CHAD: variants seen among roughly 807,000 people sequenced by gnomAD.
CHAD encodes chondroadherin.
Under a neutral mutation model 24.0 loss-of-function variants are expected in CHAD, and 18 were observed. That is an observed-to-expected ratio of 0.75 (90% CI 0.52 to 1.11). The LOEUF is 1.11. CHAD is among the 50% of genes most tolerant of loss of function. The pLI is 0.00. For missense variants in CHAD, 440 were observed against 467.2 expected (o/e 0.94, Z 0.54); for synonymous variants, 195 against 211.6 (o/e 0.92, Z 0.68).
chr17:50,464,779 G>GGT lies in CHAD; in HGVS notation c.*274_*275insAC. 1.5e-5 allele frequency: 4 copies of GGT among 259,840 alleles called. No individual in the cohort carries two copies. The highest frequency in any genetic ancestry group is 3.9e-5 in the African/African-American group (1 of 25,562). 16.1% of individuals were successfully genotyped at this position (259,840 alleles called of 1,614,324 possible). On this transcript the variant is annotated 3_prime_UTR_variant, in exon 4 of 4. Transcript: ENST00000508540. ...TGGTTCTGATTGACTTGGGGGGGGG[G>GGT]TCTCAGCAACAGCTTCTCCAAGAGG... is the stretch of plus-strand genomic sequence containing the variant.
chr17:50,467,380 A>T (rs1193557025), intron 1 of CHAD, among the ~76,000 whole-genome samples: 4 of 152,200 alleles, frequency 2.6e-5, no homozygotes, highest in Non-Finnish European at 5.9e-5. Flanking sequence ...CATGGGCACG[A>T]TGCTTGCATC....
chr17:50,466,381 G>A (rs1166703264), intron 1 of CHAD, among the ~76,000 whole-genome samples: 4 of 152,124 alleles, frequency 2.6e-5, no homozygotes, highest in African/African-American at 4.8e-5. Flanking sequence ...GAGCCACCAC[G>A]CCCAGCCAGG....
chr17:50,465,510 G>A, intron 2 of CHAD, 71 bp from the exon 3 acceptor site: 3 of 1,576,608 alleles, frequency 1.9e-6, no homozygotes, highest in Non-Finnish European at 2.6e-6. Context: ...AGTGAACTAT[G>A]GGGCCAGGAT....
In CHAD at chr17:50,468,365, A is replaced by G. The variant is rs1230353810; in HGVS notation, c.449T>C (p.Phe150Ser). ...RGLLSPLVNL[F>S]ILQLNNNKIR... The stretch of plus-strand genomic sequence containing the variant: ...CTTGTTGTTGTTGAGCTGCAAGATG[A>G]AGAGGTTGACCAGCGGGGAGAGCAA... Residue 150 changes from phenylalanine (F) to serine (S), a missense_variant, in exon 1 of 4, where the codon TTC becomes TCC. By Grantham distance (155) the Phe-to-Ser change is radical (BLOSUM62 -2). Transcript: ENST00000508540. 1.2e-6 allele frequency: 2 copies of G among 1,614,072 alleles called. No homozygotes were observed. The highest frequency in any genetic ancestry group is 1.7e-6 in the Non-Finnish European group (2 of 1,180,042).
chr17:50,465,015 C>T lies in CHAD; in HGVS notation c.*39G>A. On this transcript the variant is annotated 3_prime_UTR_variant, in exon 4 of 4. Transcript: ENST00000508540. Reference sequence around the variant, plus strand: ...GGTCAGTAGTCTCTCCGGTGGAAGGCAGAGGCCAGTCACCAGGACTGGCTG... The same window carrying T: ...GGTCAGTAGTCTCTCCGGTGGAAGGTAGAGGCCAGTCACCAGGACTGGCTG... The T allele has an allele frequency of 2.2e-6, 1 of 455,816 alleles. No individual in the cohort carries two copies. Among genetic ancestry groups the T allele is most frequent in the Non-Finnish European group, 4.0e-6 (1 of 249,050 alleles). The allele number at this position is 455,816 out of a possible 1,614,324, so 28.2% of individuals were successfully genotyped here.
intron 1 of CHAD, among the ~76,000 whole-genome samples, 198 bp from the exon 2 acceptor site, chr17:50,466,068 AT>A (rs2032690760): frequency 9.8e-6 from 1 of 101,612 alleles, no homozygotes; most frequent in South Asian, 3.2e-4. Flanking sequence ...AGATGGTGTT[AT>A]TTTCTTTTTT....
chr17:50,465,612 G>A, intron 2 of CHAD, 95 bp downstream of exon 2: 1 of 1,517,028 alleles, frequency 6.6e-7, no homozygotes, highest in Non-Finnish European at 9.1e-7. Flanking sequence ...TTAGGTAGCA[G>A]ATCTAGGATG....
intron 2 of CHAD, 62 bp downstream of exon 2, chr17:50,465,645 A>G (rs1284195999): frequency 1.3e-6 from 2 of 1,584,210 alleles, no homozygotes; most frequent in Non-Finnish European, 8.7e-7. Context: ...GTCTTAGTGC[A>G]GGGCTAATGT....
rs1294553137 is a variant in CHAD, at chr17:50,468,396, G to A, written c.418C>T (p.Arg140Trp). The A allele has an allele frequency of 2.5e-6, 4 of 1,614,076 alleles. No homozygotes were observed. Among genetic ancestry groups the A allele is most frequent in the Admixed American group, 1.7e-5 (1 of 60,004 alleles). The stretch of plus-strand genomic sequence containing the variant: ...TTGACCAGCGGGGAGAGCAACCCCC[G>A]GGGCAGCTCAGTGACCTTGTTGTGG... Reference protein sequence around the residue: ...LDHNKVTELPRGLLSPLVNLF... With the variant: ...LDHNKVTELPWGLLSPLVNLF... Residue 140 changes from arginine to tryptophan, a missense_variant, in exon 1 of 4, where the codon CGG (arginine) becomes TGG (tryptophan). Coordinates refer to ENST00000508540, the MANE Select transcript of CHAD (RefSeq NM_001267.3).
In CHAD at chr17:50,465,887, G is replaced by A; in HGVS notation, c.775-17C>T. 1 of 1,613,558 alleles carries A rather than the reference G, an allele frequency of 6.2e-7. No individual in the cohort carries two copies. ...ATCTGAGAACTGGGGAGCAAGGTGG[G>A]AGCAAGGTGGGAGCAAGGTGGTCAT... On this transcript the variant is annotated splice_polypyrimidine_tract_variant and intron_variant, in intron 1 of 3. Coordinates refer to ENST00000508540, the MANE Select transcript of CHAD (RefSeq NM_001267.3).
At chr17:50,466,870 C>G (rs1225292738) in intron 1 of CHAD, among the ~76,000 whole-genome samples, 1 of 152,230 alleles carries the variant, frequency 6.6e-6, no homozygotes, top group Admixed American at 6.5e-5. Flanking sequence ...CACTCTGGCA[C>G]TGGTGGGCCA....
rs2032563394 is a variant in CHAD, at chr17:50,464,655, G to T, written c.*399C>A. The T allele has an allele frequency of 4.2e-6, 2 of 478,868 alleles. No individual in the cohort carries two copies. Among genetic ancestry groups the T allele is most frequent in the East Asian group, 1.3e-4 (2 of 15,898 alleles). The allele number at this position is 478,868 out of a possible 1,614,324, so 29.7% of individuals were successfully genotyped here. On this transcript the variant is annotated 3_prime_UTR_variant, in exon 4 of 4. Coordinates refer to ENST00000508540, the MANE Select transcript of CHAD (RefSeq NM_001267.3). ...TTAAAACCCTTTCTGGAAGCAAGGG[G>T]TGGGGCAAGGATCTGATGATTGTTT...
At chr17:50,467,714 C>G (rs1010764678) in intron 1 of CHAD, 2 of 266,470 alleles carry the variant, frequency 7.5e-6, no homozygotes, top group East Asian at 7.0e-5. Flanking sequence ...GTGGAAGGCC[C>G]AACAGGAAGA....
chr17:50,465,269 G>C (rs762132801), intron 3 of CHAD, 25 bp downstream of exon 3: 73 of 1,613,676 alleles, frequency 4.5e-5, no homozygotes, highest in Non-Finnish European at 6.1e-5. Flanking sequence ...GAGGGACATA[G>C]GGGACCTGTT....
chr17:50,467,221 CAGG>C (rs1396749799), intron 1 of CHAD, among the ~76,000 whole-genome samples: 1 of 152,232 alleles, frequency 6.6e-6, no homozygotes, highest in Non-Finnish European at 1.5e-5. Context: ...AGGATGCAGA[CAGG>C]AGATGGGTCT....
At position 50,465,709 on chromosome 17, in the gene CHAD, C is replaced by T; in HGVS notation, c.936G>A (p.Arg312=). The T allele has an allele frequency of 1.2e-6, 2 of 1,613,206 alleles. No homozygotes were observed. The highest frequency in any genetic ancestry group is 1.7e-6 in the Non-Finnish European group (2 of 1,179,860). ...GAGTGACATGGAAGTGTTCTTACCG[C>T]CGAAGGCCCCGGAGCTGGCAGGTAC... The part of the protein sequence containing the change: ...WKCTCQLRGL[R]RWLEAKASRP... The change falls in exon 2 of 4, where the codon CGG becomes CGA. Residue 312 remains arginine, a splice_region_variant and synonymous_variant. Transcript: ENST00000508540.
chr17:50,465,459 C>T lies in CHAD; in HGVS notation c.939-20G>A. ...AGCCACCTGGAGAGACAGAAACTTGCTGGGGCTGGGGAAGAAGGTGGGAGT... is the reference window on the plus strand; with the variant it reads ...AGCCACCTGGAGAGACAGAAACTTGTTGGGGCTGGGGAAGAAGGTGGGAGT... On this transcript the variant is annotated intron_variant, in intron 2 of 3. Coordinates refer to ENST00000508540, the MANE Select transcript of CHAD (RefSeq NM_001267.3). 6.2e-7 allele frequency: 1 copy of T among 1,612,744 alleles called. No homozygotes were observed. The highest frequency in any genetic ancestry group is 8.5e-7 in the Non-Finnish European group (1 of 1,179,686).
Position 50,465,291 on chromosome 17 carries a change from C to A in CHAD, c.*4+3G>T. 7 of 1,613,946 alleles carry A rather than the reference C, an allele frequency of 4.3e-6. No individual in the cohort carries two copies. Among genetic ancestry groups the A allele is most frequent in the Non-Finnish European group, 5.9e-6 (7 of 1,179,982 alleles). On this transcript the variant is annotated splice_donor_region_variant and intron_variant, in intron 3 of 3. Coordinates refer to ENST00000508540, the MANE Select transcript of CHAD (RefSeq NM_001267.3). Reference sequence around the variant, plus strand: ...ATAGGGGACCTGTTTACCTGGCCCCCACCTGTTTAATGGCGGCCAGCTTTC... The same window carrying A: ...ATAGGGGACCTGTTTACCTGGCCCCAACCTGTTTAATGGCGGCCAGCTTTC...
chr17:50,466,887 A>T (rs1183471709), intron 1 of CHAD, among the ~76,000 whole-genome samples: 1 of 151,974 alleles, frequency 6.6e-6, no homozygotes, highest in Non-Finnish European at 1.5e-5. Context: ...GCCACAGGGG[A>T]CTCCAACTTC....
Sources: allele counts gnomAD v4.1 joint callset (sites outside exome capture counted in the v4.1 genomes callset), GRCh38; gene constraint gnomAD v4.1.1; transcripts MANE v1.5; gene names NCBI Gene and HGNC (gene_info 2026-07-23, HGNC 2026-07-21).